ZDHHC24: variants seen among roughly 807,000 people sequenced by gnomAD.
ZDHHC24 encodes the protein zDHHC palmitoyltransferase 24.
ZDHHC24 carries 17 observed loss-of-function variants against 23.2 expected under a neutral mutation model. The ratio of observed to expected loss-of-function variants is 0.73; its 90% CI spans 0.50 to 1.10. The LOEUF (loss-of-function observed/expected upper bound fraction) is 1.10. ZDHHC24 is among the 50% of genes least tolerant of loss of function. ZDHHC24 has a pLI of 0.00. For missense variants in ZDHHC24, 366 were observed against 393.0 expected (o/e 0.93, Z 0.58); for synonymous variants, 186 against 194.5 (o/e 0.96, Z 0.36).
Position 66,539,596 on chromosome 11 carries a change from G to T in ZDHHC24, c.788C>A (p.Ala263Asp), listed in dbSNP as rs1790851870. 1 of 1,612,278 alleles carries T rather than the reference G, an allele frequency of 6.2e-7. No homozygotes were observed. The highest frequency in any genetic ancestry group is 1.7e-5 in the Admixed American group (1 of 59,768). ...WALVWLWPFL[A>D]SPLPGDGITF... ...GATCCCATCCCCAGGCAATGGGGAG[G>T]CCAGGAAGGGCCAGAGCCAGACGAG... Residue 263 changes from alanine to aspartate, a missense_variant, in exon 3 of 3, where the codon GCC (alanine) becomes GAC (aspartate). Physicochemically the swap from Ala to Asp is moderately radical, Grantham distance 126. Coordinates refer to ENST00000310442, the MANE Select transcript of ZDHHC24 (RefSeq NM_207340.3).
downstream of ZDHHC24, among the ~76,000 whole-genome samples, chr11:66,534,354 A>T (rs574440144): frequency 2.3e-3 from 341 of 149,478 alleles, no homozygotes; most frequent in African/African-American, 7.8e-3. Context: ...GAGGCAGGAG[A>T]ATTGCTTGAA....
intron 2 of ZDHHC24, among the ~76,000 whole-genome samples, chr11:66,541,060 GCACTACATCATGAA>G (rs1857137393): frequency 6.6e-6 from 1 of 152,126 alleles, no homozygotes; most frequent in Non-Finnish European, 1.5e-5. Context: ...GGTGATGGTT[GCACTACATCATGAA>G]TGTACTAAAA....
At position 66,539,377 on chromosome 11, in the gene ZDHHC24, G is replaced by A. The variant is rs562938272; in HGVS notation, c.*152C>T. 205 of 1,366,764 alleles carry A rather than the reference G, an allele frequency of 1.5e-4. 2 individuals carry two copies. In the South Asian group the frequency reaches 3.5e-3, roughly 23 times the overall value. 84.7% of individuals were successfully genotyped at this position (1,366,764 alleles called of 1,614,324 possible). On this transcript the variant is annotated 3_prime_UTR_variant, in exon 3 of 3. Transcript: ENST00000310442. ...AAGTCACGGCCCAAGCCCTGGACAC[G>A]TAGGAGTGTAGGCGGGCAGGGGCAA...
downstream of ZDHHC24, chr11:66,531,623 C>T (rs1311337114): frequency 6.2e-7 from 1 of 1,613,936 alleles, no homozygotes; most frequent in South Asian, 1.1e-5. Context: ...GGCACGAGGG[C>T]TGGTTTCCTT....
chr11:66,539,758 A>C lies in ZDHHC24; in HGVS notation c.626T>G (p.Leu209Arg), dbSNP rs1353891286. The C allele has an allele frequency of 6.2e-7, 1 of 1,612,802 alleles. No homozygotes were observed. The highest frequency in any genetic ancestry group is 8.5e-7 in the Non-Finnish European group (1 of 1,179,650). ...VTDTCVAGAL[L>R]CGAGLLFHGM... ...ATGGAAGAGCAGCCCAGCCCCGCACAGCAGCGCACCCGCCACGCACGTGTC... is the reference window on the plus strand; with the variant it reads ...ATGGAAGAGCAGCCCAGCCCCGCACCGCAGCGCACCCGCCACGCACGTGTC... The change falls in exon 3 of 3, where the codon CTG becomes CGG. Residue 209 changes from leucine to arginine, a missense_variant. By Grantham distance (102) the Leu-to-Arg change is moderately radical (BLOSUM62 -2). Transcript: ENST00000310442.
At chr11:66,523,643 C>G in intron 4 of ZDHHC24, 1 of 1,611,774 alleles carries the variant, frequency 6.2e-7, no homozygotes, top group South Asian at 1.1e-5. Flanking sequence ...GCAAGAGAGT[C>G]CTCTGGCTTC....
exon 5 of ZDHHC24, chr11:66,521,446 A>G: frequency 8.2e-7 from 1 of 1,217,186 alleles, no homozygotes; most frequent in South Asian, 1.2e-5. Context: ...GAGGCTTGCA[A>G]GATGAGAGTG....
chr11:66,536,207 G>GT lies in ZDHHC24; in HGVS notation c.*3321dup, dbSNP rs1014441247. 1 of 152,462 alleles carries GT rather than the reference G, an allele frequency of 6.6e-6. No homozygotes were observed. The highest frequency in any genetic ancestry group is 2.4e-5 in the African/African-American group (1 of 41,464). 9.4% of individuals were successfully genotyped at this position (152,462 alleles called of 1,614,324 possible). ...TAACCTTCTCAAATGCAGTGGGGCT[G>GT]TTTCCTCTTAATTTTTATAAATGTG... On this transcript the variant is annotated 3_prime_UTR_variant, in exon 3 of 3. Coordinates refer to ENST00000310442, the MANE Select transcript of ZDHHC24 (RefSeq NM_207340.3).
At chr11:66,526,449 C>T (rs1856497566) in intron 4 of ZDHHC24, among the ~76,000 whole-genome samples, 1 of 152,238 alleles carries the variant, frequency 6.6e-6, no homozygotes, top group East Asian at 1.9e-4. Context: ...CAGTACTCCA[C>T]AAATAACTGC....
chr11:66,539,751 C>A lies in ZDHHC24; in HGVS notation c.633G>T (p.Gly211=), dbSNP rs1399911739. The change falls in exon 3 of 3, where the codon GGG becomes GGT. Residue 211 remains glycine (G), a synonymous_variant. Coordinates refer to ENST00000310442, the MANE Select transcript of ZDHHC24 (RefSeq NM_207340.3). ...GCATCCCATGGAAGAGCAGCCCAGC[C>A]CCGCACAGCAGCGCACCCGCCACGC... is the stretch of plus-strand genomic sequence containing the variant. ...DTCVAGALLC[G]AGLLFHGMLL... is the part of the protein sequence containing the mutation. The A allele has an allele frequency of 6.2e-7, 1 of 1,613,324 alleles. No homozygotes were observed. The highest frequency in any genetic ancestry group is 8.5e-7 in the Non-Finnish European group (1 of 1,179,892).
chr11:66,523,468 C>A (rs748076552), intron 4 of ZDHHC24: 1 of 1,614,136 alleles, frequency 6.2e-7, no homozygotes, highest in South Asian at 1.1e-5. Context: ...ACTCCAAGCA[C>A]CCCAAGTACT....
Position 66,537,966 on chromosome 11 carries a change from A to T in ZDHHC24, c.*1563T>A, listed in dbSNP as rs1857027074. ...AAAATAAAATAAAATAAAATAATAAAAAATTGTCAGCCAGGCACGGTAGCT... is the reference window on the plus strand; with the variant it reads ...AAAATAAAATAAAATAAAATAATAATAAATTGTCAGCCAGGCACGGTAGCT... On this transcript the variant is annotated 3_prime_UTR_variant, in exon 3 of 3. Coordinates refer to ENST00000310442, the MANE Select transcript of ZDHHC24 (RefSeq NM_207340.3). 2 of 150,782 alleles carry T rather than the reference A, an allele frequency of 1.3e-5. No individual in the cohort carries two copies. Among genetic ancestry groups the T allele is most frequent in the South Asian group, 2.1e-4 (1 of 4,782 alleles). The allele number at this position is 150,782 out of a possible 1,614,324, so 9.3% of individuals were successfully genotyped here.
intron 2 of ZDHHC24, among the ~76,000 whole-genome samples, chr11:66,530,413 A>G (rs1193422548): frequency 6.6e-6 from 1 of 152,046 alleles, no homozygotes; most frequent in Non-Finnish European, 1.5e-5. Flanking sequence ...CAAGGCTCAG[A>G]CGCAAATGAG....
downstream of ZDHHC24, among the ~76,000 whole-genome samples, chr11:66,534,885 C>T (rs1156396982): frequency 6.6e-6 from 1 of 151,354 alleles, no homozygotes; most frequent in Non-Finnish European, 1.5e-5. Flanking sequence ...TTAGTAGAAA[C>T]AGCGTTTCAC....
chr11:66,544,102 C>G, intron 1 of ZDHHC24, 121 bp from the exon 2 acceptor site: 1 of 1,321,884 alleles, frequency 7.6e-7, no homozygotes, highest in Non-Finnish European at 1.0e-6. Context: ...GGCTAAGCCT[C>G]AATTTCTTTA....
intron 4 of ZDHHC24, chr11:66,524,067 G>A (rs1199943543): frequency 7.2e-6 from 6 of 838,356 alleles, no homozygotes; most frequent in African/African-American, 1.7e-5. Flanking sequence ...ATCACCTGAG[G>A]TAAGGAGTTC....
intron 2 of ZDHHC24, among the ~76,000 whole-genome samples, chr11:66,540,496 G>A (rs1005441428): frequency 7.3e-5 from 11 of 150,456 alleles, no homozygotes; most frequent in Non-Finnish European, 1.6e-4. Flanking sequence ...TTGGGAGGCC[G>A]AGGCGGGTGG....
In ZDHHC24 at chr11:66,545,944, C is replaced by G; in HGVS notation, c.60G>C (p.Val20=). Residue 20 remains valine (V), a synonymous_variant, in exon 1 of 3, where the codon GTG becomes GTC. Transcript: ENST00000310442. This position sits in a 1 kb window ranked among gnomAD's most constrained non-coding sequence, Gnocchi z 4.5. Reference sequence around the variant, plus strand: ...CGGCCGCGGCCCACAGCGCGGTGAGCACGAGAGGCAGCTGCGCGGGCGCCC... The same window carrying G: ...CGGCCGCGGCCCACAGCGCGGTGAGGACGAGAGGCAGCTGCGCGGGCGCCC... ...TDGAPAQLPL[V]LTALWAAAVG... 6.8e-7 allele frequency: 1 copy of G among 1,469,208 alleles called. No homozygotes were observed. Among genetic ancestry groups the G allele is most frequent in the Non-Finnish European group, 8.9e-7 (1 of 1,123,060 alleles). 91.0% of individuals were successfully genotyped at this position (1,469,208 alleles called of 1,614,324 possible).
At chr11:66,521,225 CG>C (rs1856200104) in exon 5 of ZDHHC24, 5 of 1,479,676 alleles carry the variant, frequency 3.4e-6, no homozygotes, top group Non-Finnish European at 4.7e-6. Context: ...CAGGGAGGGA[CG>C]GGGGCTCCAG....
Sources: allele counts gnomAD v4.1 joint callset (sites outside exome capture counted in the v4.1 genomes callset), GRCh38; gene constraint gnomAD v4.1.1; non-coding constraint Gnocchi (gnomAD v3.1); transcripts MANE v1.5; gene names NCBI Gene and HGNC (gene_info 2026-07-23, HGNC 2026-07-21).